The following PIGN variants were observed in gnomAD, a reference collection of about 807,000 sequenced individuals.
The protein encoded by PIGN is phosphatidylinositol glycan anchor biosynthesis class N.
Under a neutral mutation model 125.4 loss-of-function variants are expected in PIGN, and 117 were observed. The observed-to-expected ratio is 0.93, with a 90% CI of 0.80 to 1.09. PIGN has a LOEUF of 1.09. PIGN is among the 50% of genes least tolerant of loss of function. The pLI, the probability that PIGN is intolerant of heterozygous loss-of-function variation, is 0.00. For synonymous variants in PIGN, 392 were observed against 377.8 expected, an observed-to-expected ratio of 1.04 and a Z score of -0.44; for missense variants, 1,075 against 1,094.9, an observed-to-expected ratio of 0.98 and a Z score of 0.26.
At chr18:62,119,284 C>T (rs1224176985) in intron 14 of PIGN, among the ~76,000 whole-genome samples, 3 of 150,432 alleles carry the variant, frequency 2.0e-5, no homozygotes, top group South Asian at 2.1e-4. Context: ...CAAACAAGAC[C>T]AATTGAAAAA....
intron 1 of PIGN, among the ~76,000 whole-genome samples, chr18:62,166,491 G>A (rs1473809336): frequency 6.6e-6 from 1 of 152,212 alleles, no homozygotes; most frequent in Non-Finnish European, 1.5e-5. Context: ...GTGGAAGACA[G>A]TGTGGCAATT....
chr18:62,098,324 C>T (rs1336397867), intron 22 of PIGN, among the ~76,000 whole-genome samples: 1 of 152,016 alleles, frequency 6.6e-6, no homozygotes, highest in Non-Finnish European at 1.5e-5. Flanking sequence ...ATGTGTAGCT[C>T]CAATCATAAT....
intron 1 of PIGN, among the ~76,000 whole-genome samples, chr18:62,180,639 CTTCCT>C (rs566859369): frequency 1.8e-4 from 28 of 152,232 alleles, no homozygotes; most frequent in Admixed American, 3.3e-4. Context: ...TTGGGTCTCT[CTTCCT>C]TTCAACTGCC....
chr18:62,148,561 A>G (rs1568230487), intron 7 of PIGN, among the ~76,000 whole-genome samples: 1 of 152,182 alleles, frequency 6.6e-6, no homozygotes, highest in Non-Finnish European at 1.5e-5. Context: ...AGGCCAAAAA[A>G]AGATGTTAGA....
At chr18:62,049,187 G>A (rs1395849850) in intron 30 of PIGN, among the ~76,000 whole-genome samples, 4,977 of 139,770 alleles carry the variant, frequency 0.036, no homozygotes, top group African/African-American at 0.14. Flanking sequence ...CTTTATAGCA[G>A]CATGATTTAT....
At chr18:62,101,503 AC>A in intron 21 of PIGN, among the ~76,000 whole-genome samples, 1 of 152,342 alleles carries the variant, frequency 6.6e-6, no homozygotes, top group South Asian at 2.1e-4. Flanking sequence ...TATTCTGGAT[AC>A]ATTCTGTCAA....
intron 16 of PIGN, chr18:62,112,871 T>C (rs536681413): frequency 1.2e-4 from 47 of 400,374 alleles, no homozygotes; most frequent in African/African-American, 9.4e-4. Flanking sequence ...GTCGACACCA[T>C]TGATAACATA....
intron 23 of PIGN, among the ~76,000 whole-genome samples, chr18:62,022,406 A>G (rs551268786): frequency 6.6e-6 from 1 of 152,358 alleles, no homozygotes; most frequent in South Asian, 2.1e-4. Context: ...TACTAGTAAA[A>G]GCCATTTTTG....
chr18:62,145,102 T>C (rs1240865648), intron 10 of PIGN, among the ~76,000 whole-genome samples: 1 of 152,090 alleles, frequency 6.6e-6, no homozygotes, highest in Non-Finnish European at 1.5e-5. Context: ...TCATAATGTG[T>C]AAGTTTTGTT....
rs1451410051 is a variant in PIGN at position 62,105,611 on chromosome 18, G to C, written c.1791C>G (p.Phe597Leu). The change falls in exon 20 of 31, where the codon TTC (phenylalanine) becomes TTG (leucine). Residue 597 changes from phenylalanine (F) to leucine (L), a missense_variant. Physicochemically the swap from Phe to Leu is conservative, Grantham distance 22. Coordinates refer to ENST00000640252, the MANE Select transcript of PIGN (RefSeq NM_176787.5). ...RAKMTSLSWT[F>L]FSLLLAVFPL... ...GGAACACTGCCAGGAGCAAAGAGAA[G>C]AAAGTCCAACTCAGTGAGGTCATCT... The C allele has an allele frequency of 2.6e-6, 4 of 1,552,910 alleles. No homozygotes were observed. The South Asian group carries it at 3.6e-5, about 14-fold the overall frequency.
At chr18:62,172,279 C>T (rs888261687) in intron 1 of PIGN, among the ~76,000 whole-genome samples, 2 of 152,090 alleles carry the variant, frequency 1.3e-5, no homozygotes, top group African/African-American at 4.8e-5. Flanking sequence ...CCTATTATCC[C>T]TTTTTCCTGT....
chr18:62,020,854 G>A (rs1009061846), intron 23 of PIGN, among the ~76,000 whole-genome samples: 3 of 151,658 alleles, frequency 2.0e-5, no homozygotes, highest in African/African-American at 4.8e-5. Context: ...CCAGCTACTC[G>A]GGAGACTGAG....
chr18:62,181,237 A>G (rs1372176389), intron 1 of PIGN, among the ~76,000 whole-genome samples: 1 of 152,208 alleles, frequency 6.6e-6, no homozygotes, highest in Non-Finnish European at 1.5e-5. Context: ...TTGTTTATTC[A>G]TAATGAAATA....
At chr18:62,117,725 T>C (rs1264336204) in intron 14 of PIGN, among the ~76,000 whole-genome samples, 1 of 152,126 alleles carries the variant, frequency 6.6e-6, no homozygotes, top group African/African-American at 2.4e-5. Flanking sequence ...ATATGTATTC[T>C]TGTCTACTTC....
chr18:62,034,567 T>G (rs1458515572), intron 23 of PIGN, among the ~76,000 whole-genome samples: 1 of 152,230 alleles, frequency 6.6e-6, no homozygotes, highest in Non-Finnish European at 1.5e-5. Flanking sequence ...AACTCTTGCA[T>G]CAGTGTGACC....
intron 21 of PIGN, 116 bp from the exon 22 acceptor site, chr18:62,101,299 TTGGAATCAA>T (rs1185699875): frequency 1.2e-5 from 8 of 655,952 alleles, no homozygotes; most frequent in Non-Finnish European, 2.1e-5. Flanking sequence ...AATGTGTATC[TTGGAATCAA>T]TGAAATACAG....
At chr18:62,071,475 CT>C (rs2032841062) in intron 30 of PIGN, among the ~76,000 whole-genome samples, 1 of 152,146 alleles carries the variant, frequency 6.6e-6, no homozygotes, top group Non-Finnish European at 1.5e-5. Context: ...AATTGCTGCG[CT>C]TACCTCAAAA....
At chr18:62,172,540 CTT>C (rs1157004461) in intron 1 of PIGN, among the ~76,000 whole-genome samples, 1 of 151,982 alleles carries the variant, frequency 6.6e-6, no homozygotes, top group Non-Finnish European at 1.5e-5. Context: ...ATGTACTTAA[CTT>C]ATAAGTACAT....
intron 1 of PIGN, among the ~76,000 whole-genome samples, chr18:62,172,974 A>T (rs1347488082): frequency 6.6e-6 from 1 of 152,184 alleles, no homozygotes; most frequent in Non-Finnish European, 1.5e-5. Context: ...ACGAACACAA[A>T]ATATTAGCAA....
Sources: allele counts gnomAD v4.1 joint callset (sites outside exome capture counted in the v4.1 genomes callset), GRCh38; gene constraint gnomAD v4.1.1; transcripts MANE v1.5; gene names NCBI Gene and HGNC (gene_info 2026-07-23, HGNC 2026-07-21).